NCOR1: variants seen among roughly 807,000 people sequenced by gnomAD.
The protein encoded by NCOR1 is protein phosphatase 1, regulatory subunit 109.
Under a neutral mutation model 288.1 loss-of-function variants are expected in NCOR1, and 63 were observed. The ratio of observed to expected loss-of-function variants is 0.22; its 90% confidence interval spans 0.18 to 0.27. NCOR1 has a LOEUF of 0.27. Ranked by LOEUF, NCOR1 falls within the 10% of genes least tolerant of loss-of-function variation. NCOR1 has a pLI of 1.00. For missense variants in NCOR1, 2,397 were observed against 3,019.2 expected (o/e 0.79, Z 4.83); for synonymous variants, 1,007 against 1,065.9 (o/e 0.94, Z 1.08).
rs778103192 is a variant in NCOR1 at position 16,058,577 on chromosome 17, T to G, written c.5904A>C (p.Thr1968=). Residue 1968 remains threonine, a synonymous_variant, in exon 38 of 46, where the codon ACA becomes ACC. Coordinates refer to ENST00000268712, the MANE Select transcript of NCOR1 (RefSeq NM_006311.4). The part of the protein sequence containing the change: ...SSSLSSHRYE[T]PSDAIEVISP... ...TTATCACCTCAATAGCATCGCTAGG[T>G]GTTTCATACCTGTGAGAAGATACTT... 5.0e-6 allele frequency: 8 copies of G among 1,610,404 alleles called. No homozygotes were observed. Among genetic ancestry groups the G allele is most frequent in the Non-Finnish European group, 6.8e-6 (8 of 1,178,502 alleles).
intron 3 of NCOR1, among the ~76,000 whole-genome samples, chr17:16,173,404 T>C (rs1466955307): frequency 6.6e-6 from 1 of 152,058 alleles, no homozygotes; most frequent in Non-Finnish European, 1.5e-5. Flanking sequence ...GAAATTACTT[T>C]CAGAGCACTA....
Position 16,038,229 on chromosome 17 carries a change from T to G in NCOR1, c.6955+1204A>C, listed in dbSNP as rs529314777. ...AGCACAAGAGATATTCTCAAAATAT[T>G]AAGAAAAAGGTTGTAAGATTAAAGC... On this transcript the variant is annotated intron_variant, in intron 44 of 45. Coordinates refer to ENST00000268712, the MANE Select transcript of NCOR1 (RefSeq NM_006311.4). 3.9e-5 allele frequency among the ~76,000 whole-genome samples: 6 copies of G among 152,292 alleles called. No homozygotes were observed. In the South Asian group the frequency reaches 1.0e-3, roughly 26 times the overall value.
At chr17:16,202,213 G>C (rs1460214941) in intron 1 of NCOR1, among the ~76,000 whole-genome samples, 1 of 131,250 alleles carries the variant, frequency 7.6e-6, no homozygotes, top group South Asian at 2.4e-4. Flanking sequence ...AAAAGGGCGA[G>C]ACTCCATCTC....
Position 16,092,052 on chromosome 17 carries a change from A to T in NCOR1, c.2827T>A (p.Cys943Ser). Residue 943 changes from cysteine to serine, a missense_variant, in exon 22 of 46, where the codon TGC (cysteine) becomes AGC (serine). Physicochemically the swap from Cys to Ser is moderately radical, Grantham distance 112. This residue lies in a region of NCOR1 where 1,872 missense variants were observed against 2,187.8 expected (regional missense o/e 0.86). Coordinates refer to ENST00000268712, the MANE Select transcript of NCOR1 (RefSeq NM_006311.4). Reference sequence around the variant, plus strand: ...CCAATTGGTATGTTACATGGGGTGCAGGATACCTATAGGAAGAAAATAAAT... The same window carrying T: ...CCAATTGGTATGTTACATGGGGTGCTGGATACCTATAGGAAGAAAATAAAT... ...RAAVIPPMVS[C>S]TPCNIPIGTP... The T allele has an allele frequency of 6.2e-7, 1 of 1,613,908 alleles. No individual in the cohort carries two copies. The highest frequency in any genetic ancestry group is 1.3e-5 in the African/African-American group (1 of 75,064).
chr17:16,194,423 CA>C (rs1288176474), intron 2 of NCOR1, 38 bp downstream of exon 2: 6 of 1,373,934 alleles, frequency 4.4e-6, no homozygotes, highest in Non-Finnish European at 6.1e-6. Context: ...AAGAAAAACA[CA>C]AAAAACATGT....
chr17:16,043,459 T>C (rs1381608401), intron 42 of NCOR1, among the ~76,000 whole-genome samples: 5 of 152,372 alleles, frequency 3.3e-5, no homozygotes, highest in Admixed American at 6.5e-5. Flanking sequence ...CCTTAAGACA[T>C]TAATTATCTC....
At chr17:16,059,415 T>C (rs1442994727) in intron 37 of NCOR1, among the ~76,000 whole-genome samples, 1 of 152,228 alleles carries the variant, frequency 6.6e-6, no homozygotes, top group African/African-American at 2.4e-5. Context: ...TTTAGCACTG[T>C]GTTACATTGT....
At chr17:16,172,184 C>T (rs1291790997) in intron 3 of NCOR1, among the ~76,000 whole-genome samples, 189 bp from the exon 4 acceptor site, 1 of 152,100 alleles carries the variant, frequency 6.6e-6, no homozygotes, top group Non-Finnish European at 1.5e-5. Context: ...AACTTCTAGT[C>T]TAATTTTTAA....
chr17:16,153,408 A>G lies in NCOR1; in HGVS notation c.733-13T>C. 6.4e-7 allele frequency: 1 copy of G among 1,554,920 alleles called. No individual in the cohort carries two copies. The highest frequency in any genetic ancestry group is 1.2e-5 in the South Asian group (1 of 84,590). On this transcript the variant is annotated splice_polypyrimidine_tract_variant and intron_variant, in intron 6 of 45. Transcript: ENST00000268712. The stretch of plus-strand genomic sequence containing the variant: ...CTTCTGCTTTTTTCTAGAGATAAAG[A>G]CATTGTTGTATCATATAATTAAAAA...
At chr17:16,198,357 C>CAA (rs55993030) in intron 1 of NCOR1, 173 of 79,674 alleles carry the variant, frequency 2.2e-3, no homozygotes, top group Non-Finnish European at 2.7e-3. Context: ...GACTCCGTCT[C>CAA]AAAAAAAAAA....
intron 15 of NCOR1, among the ~76,000 whole-genome samples, chr17:16,125,486 C>T (rs966208201): frequency 6.6e-6 from 1 of 151,920 alleles, no homozygotes; most frequent in Non-Finnish European, 1.5e-5. Context: ...AGATGGATCA[C>T]GAGGTCAGGA....
intron 2 of NCOR1, among the ~76,000 whole-genome samples, chr17:16,187,585 T>C (rs1050391077): frequency 1.3e-5 from 2 of 150,360 alleles, no homozygotes; most frequent in African/African-American, 4.9e-5. Flanking sequence ...CATATTATGA[T>C]TCCATTTATA....
chr17:16,065,031 A>T lies in NCOR1; in HGVS notation c.4952-12T>A. On this transcript the variant is annotated splice_polypyrimidine_tract_variant and intron_variant, in intron 33 of 45. Coordinates refer to ENST00000268712, the MANE Select transcript of NCOR1 (RefSeq NM_006311.4). ...CAGGTCAATGATTCCTATCCAAAAGACAATACAATTTATGTTAAGTGTTAT... is the reference window on the plus strand; with the variant it reads ...CAGGTCAATGATTCCTATCCAAAAGTCAATACAATTTATGTTAAGTGTTAT... The T allele has an allele frequency of 6.2e-7, 1 of 1,611,004 alleles. No homozygotes were observed. The highest frequency in any genetic ancestry group is 8.5e-7 in the Non-Finnish European group (1 of 1,178,292).
intron 10 of NCOR1, 111 bp downstream of exon 10, chr17:16,146,265 C>G: frequency 1.0e-6 from 1 of 969,458 alleles, no homozygotes; most frequent in Non-Finnish European, 1.5e-6. Flanking sequence ...AAATCCCCCT[C>G]TCCGAGAAAC....
intron 4 of NCOR1, 76 bp downstream of exon 4, chr17:16,171,727 G>A (rs753812161): frequency 9.4e-6 from 12 of 1,270,864 alleles, no homozygotes; most frequent in Non-Finnish European, 1.2e-5. Context: ...GACTTTCTTT[G>A]AGGTGCTATG....
Position 16,127,285 on chromosome 17 carries a change from GTATA to G in NCOR1, c.1510-1083_1510-1080del, listed in dbSNP as rs1294159774. Reference sequence around the variant, plus strand: ...TGTATATATGTATGTATATATACGTGTATATATGTATGTATGTATATATACATGT... The same window carrying G: ...TGTATATATGTATGTATATATACGTGTATGTATGTATGTATATATACATGT... On this transcript the variant is annotated intron_variant, in intron 14 of 45. Coordinates refer to ENST00000268712, the MANE Select transcript of NCOR1 (RefSeq NM_006311.4). Among the ~76,000 whole-genome samples, 13 of 129,482 alleles carry G rather than the reference GTATA, an allele frequency of 1.0e-4. 5 individuals are homozygous for G. Among genetic ancestry groups the G allele is most frequent in the Admixed American group, 4.7e-4 (6 of 12,698 alleles). 84.9% of individuals were successfully genotyped at this position (129,482 alleles called of 152,430 possible).
intron 19 of NCOR1, among the ~76,000 whole-genome samples, chr17:16,106,468 AAG>A (rs1436205474): frequency 6.6e-6 from 1 of 152,146 alleles, no homozygotes. Context: ...GATGTAGAAA[AAG>A]AGAACAAGAG....
intron 35 of NCOR1, 55 bp from the exon 36 acceptor site, chr17:16,062,325 AAAGG>A: frequency 6.6e-6 from 10 of 1,506,550 alleles, no homozygotes; most frequent in Non-Finnish European, 8.8e-6. Flanking sequence ...GCCAGAGACA[AAAGG>A]AAGCAATGCT....
rs1375318430 is a variant in NCOR1 at position 16,149,398 on chromosome 17, G to C, written c.909+53C>G. On this transcript the variant is annotated intron_variant, in intron 9 of 45. Transcript: ENST00000268712. ...ACAGTAGGAAAGTGAATGCCTAAAT[G>C]AGCATGAATGGGAAAGCTGTATAAA... is the stretch of plus-strand genomic sequence containing the variant. The C allele has an allele frequency of 2.8e-6, 3 of 1,069,436 alleles. No individual in the cohort carries two copies. The South Asian group carries it at 4.8e-5, about 17-fold the overall frequency. 66.2% of individuals were successfully genotyped at this position (1,069,436 alleles called of 1,614,324 possible). A position where few individuals can be genotyped will look rare whatever the true frequency, so the allele number is the denominator to read the frequency against.
Sources: allele counts gnomAD v4.1 joint callset (sites outside exome capture counted in the v4.1 genomes callset), GRCh38; gene constraint gnomAD v4.1.1; regional missense constraint gnomAD v4.1.1; transcripts MANE v1.5; gene names NCBI Gene and HGNC (gene_info 2026-07-23, HGNC 2026-07-21).